The following STT3B variants were observed in gnomAD, a reference collection of about 807,000 sequenced individuals.
STT3B encodes STT3 oligosaccharyltransferase complex catalytic subunit B, also known as dolichyl-diphosphooligosaccharide--protein glycosyltransferase subunit STT3B.
Under a neutral mutation model 96.8 loss-of-function variants are expected in STT3B, and 29 were observed. The ratio of observed to expected loss-of-function variants is 0.30; its 90% CI spans 0.22 to 0.41. The LOEUF is 0.41. Ranked by LOEUF, STT3B falls within the 10% of genes least tolerant of loss-of-function variation. The pLI, the probability that STT3B is intolerant of heterozygous loss-of-function variation, is 1.00. For missense variants in STT3B, 640 were observed against 1,022.3 expected (o/e 0.63, Z 5.10); for synonymous variants, 367 against 360.0 (o/e 1.02, Z -0.22).
chr3:31,536,917 A>T (rs1210026266), intron 1 of STT3B, among the ~76,000 whole-genome samples: 1 of 152,254 alleles, frequency 6.6e-6, no homozygotes, highest in Non-Finnish European at 1.5e-5. Context: ...ACTTTATATT[A>T]GCCAGATACC....
chr3:31,576,295 G>A lies in STT3B; in HGVS notation c.315-101G>A, dbSNP rs557774430. 1.4e-4 allele frequency: 77 copies of A among 543,628 alleles called. No homozygotes were observed. The Admixed American group carries it at 1.6e-3, about 11-fold the overall frequency. 33.7% of individuals were successfully genotyped at this position (543,628 alleles called of 1,614,324 possible). On this transcript the variant is annotated intron_variant, in intron 1 of 15. Coordinates refer to ENST00000295770, the MANE Select transcript of STT3B (RefSeq NM_178862.3). The stretch of plus-strand genomic sequence containing the variant: ...TATGTTATATAAGTTTGATGAAAAC[G>A]CTCTGAAAGATACATTTATGTAGCC...
At chr3:31,608,940 C>T (rs541252302) in intron 5 of STT3B, among the ~76,000 whole-genome samples, 1 of 152,224 alleles carries the variant, frequency 6.6e-6, no homozygotes, top group Non-Finnish European at 1.5e-5. Flanking sequence ...CATGGTGAAA[C>T]CCCATCTCTA....
At chr3:31,626,205 T>A in intron 13 of STT3B, 78 bp downstream of exon 13, 1 of 1,303,286 alleles carries the variant, frequency 7.7e-7, no homozygotes, top group Admixed American at 2.0e-5. Flanking sequence ...GCTAATTGCA[T>A]TGTATTTGTT....
intron 1 of STT3B, among the ~76,000 whole-genome samples, chr3:31,546,736 T>TA (rs1461218169): frequency 1.6e-4 from 24 of 152,230 alleles, no homozygotes; most frequent in Middle Eastern, 3.2e-3. Context: ...CTCACTAATT[T>TA]AGTAGGAGGT....
At chr3:31,552,701 A>G (rs1376715580) in intron 1 of STT3B, among the ~76,000 whole-genome samples, 1 of 152,126 alleles carries the variant, frequency 6.6e-6, no homozygotes, top group Non-Finnish European at 1.5e-5. Context: ...GTTAGATGTC[A>G]GTTGTAGAAG....
At chr3:31,580,701 A>C (rs1008856870) in intron 3 of STT3B, among the ~76,000 whole-genome samples, 3 of 152,114 alleles carry the variant, frequency 2.0e-5, no homozygotes, top group African/African-American at 4.8e-5. Context: ...TTTAATAATT[A>C]TTTTATATTG....
At chr3:31,593,179 CA>C (rs2125459531) in intron 3 of STT3B, among the ~76,000 whole-genome samples, 1 of 152,318 alleles carries the variant, frequency 6.6e-6, no homozygotes, top group East Asian at 1.9e-4. Context: ...TAGGTTGGTG[CA>C]AAAGTAATTG....
At chr3:31,576,296 C>T (rs1024398874) in intron 1 of STT3B, 100 bp from the exon 2 acceptor site, 1 of 605,834 alleles carries the variant, frequency 1.7e-6, no homozygotes. Flanking sequence ...GATGAAAACG[C>T]TCTGAAAGAT....
In STT3B at chr3:31,533,009, C is replaced by T. The variant is rs1250170448; in HGVS notation, c.11C>T (p.Pro4Leu). The change falls in exon 1 of 16, where the codon CCC becomes CTC. Residue 4 changes from proline to leucine, a missense_variant. This residue lies in a region of STT3B where 89 missense variants were observed against 81.7 expected (regional missense o/e 1.09). Transcript: ENST00000295770. MAE[P>L]SAPESKHKSS... ...CCGCCGGGGCACAACATGGCGGAGC[C>T]CTCGGCCCCGGAGAGCAAGCACAAG... 4 of 1,589,324 alleles carry T rather than the reference C, an allele frequency of 2.5e-6. No homozygotes were observed. Among genetic ancestry groups the T allele is most frequent in the Non-Finnish European group, 2.6e-6 (3 of 1,169,294 alleles).
At chr3:31,591,929 G>A (rs62234753) in intron 3 of STT3B, among the ~76,000 whole-genome samples, 23,826 of 151,598 alleles carry the variant, frequency 0.16, 2,247 homozygotes, top group East Asian at 0.25. Flanking sequence ...TTTCAATTTT[G>A]CCTTCATTTT....
At chr3:31,556,673 T>C (rs1381839678) in intron 1 of STT3B, among the ~76,000 whole-genome samples, 1 of 152,260 alleles carries the variant, frequency 6.6e-6, no homozygotes, top group East Asian at 1.9e-4. Flanking sequence ...TTTCATATGC[T>C]TCTTGGCCAT....
intron 11 of STT3B, 35 bp from the exon 12 acceptor site, chr3:31,624,879 C>T (rs1304123111): frequency 4.6e-6 from 7 of 1,529,256 alleles, no homozygotes; most frequent in Non-Finnish European, 6.3e-6. Context: ...ACATTTGTGA[C>T]ATCTCATTTA....
chr3:31,559,147 GTGT>G (rs757097120), intron 1 of STT3B, among the ~76,000 whole-genome samples: 1 of 22,346 alleles, frequency 4.5e-5, no homozygotes. Context: ...GATTCTTGGG[GTGT>G]GTGTGTGTGT....
chr3:31,541,186 A>G (rs748185835), intron 1 of STT3B, among the ~76,000 whole-genome samples: 39 of 152,140 alleles, frequency 2.6e-4, no homozygotes, highest in Non-Finnish European at 4.4e-4. Flanking sequence ...TTTTAAAGCA[A>G]TTTTCTTTTA....
intron 9 of STT3B, 34 bp downstream of exon 9, chr3:31,619,864 G>C (rs1699388331): frequency 1.3e-6 from 2 of 1,579,902 alleles, no homozygotes; most frequent in Middle Eastern, 1.7e-4. Context: ...CTTTGATATG[G>C]AATAGTTATT....
chr3:31,623,939 A>T, intron 11 of STT3B, 78 bp downstream of exon 11: 1 of 1,237,078 alleles, frequency 8.1e-7, no homozygotes, highest in Non-Finnish European at 1.1e-6. Flanking sequence ...TAATTAAAAA[A>T]TAGAATGTTG....
intron 1 of STT3B, among the ~76,000 whole-genome samples, chr3:31,569,184 C>CT (rs34055572): frequency 2.0e-5 from 3 of 151,730 alleles, no homozygotes; most frequent in African/African-American, 7.3e-5. Flanking sequence ...AATTAAAAAA[C>CT]TTTTTTTTCT....
intron 3 of STT3B, among the ~76,000 whole-genome samples, chr3:31,592,046 C>T (rs766876962): frequency 1.4e-4 from 22 of 152,062 alleles, no homozygotes; most frequent in Non-Finnish European, 2.2e-4. Flanking sequence ...TATGCAACCA[C>T]CATCACCACC....
At chr3:31,601,062 A>G (rs142261842) in intron 5 of STT3B, among the ~76,000 whole-genome samples, 2 of 152,128 alleles carry the variant, frequency 1.3e-5, no homozygotes, top group Admixed American at 6.5e-5. Context: ...ATACAATTCT[A>G]TTATAATAAT....
Sources: allele counts gnomAD v4.1 joint callset (sites outside exome capture counted in the v4.1 genomes callset), GRCh38; gene constraint gnomAD v4.1.1; regional missense constraint gnomAD v4.1.1; transcripts MANE v1.5; gene names NCBI Gene and HGNC (gene_info 2026-07-23, HGNC 2026-07-21).